The following VPS13A variants were observed in gnomAD, a reference collection of about 807,000 sequenced individuals.
VPS13A encodes vacuolar protein sorting 13 homolog A.
VPS13A carries 264 observed loss-of-function variants against 390.9 expected under a neutral mutation model. The ratio of observed to expected loss-of-function variants is 0.68; its 90% CI spans 0.61 to 0.75. The LOEUF is 0.75. Ranked by LOEUF, VPS13A falls within the 30% of genes least tolerant of loss-of-function variation. VPS13A has a pLI of 0.00. For missense variants in VPS13A, 3,409 were observed against 3,733.9 expected, an observed-to-expected ratio of 0.91 and a Z score of 2.27; for synonymous variants, 1,231 against 1,227.1, an observed-to-expected ratio of 1.00 and a Z score of -0.07.
At chr9:77,386,068 A>C (rs1296805778) in intron 68 of VPS13A, among the ~76,000 whole-genome samples, 2 of 152,220 alleles carry the variant, frequency 1.3e-5, no homozygotes, top group Admixed American at 6.5e-5. Flanking sequence ...ACTGTTATGT[A>C]AACATCAAAA....
chr9:77,258,208 A>G (rs2131288291), intron 22 of VPS13A, among the ~76,000 whole-genome samples: 1 of 152,232 alleles, frequency 6.6e-6, no homozygotes, highest in East Asian at 1.9e-4. Context: ...GCACAGATCT[A>G]TTTTAAAATT....
At chr9:77,315,854 C>T (rs1829351020) in intron 38 of VPS13A, among the ~76,000 whole-genome samples, 1 of 151,936 alleles carries the variant, frequency 6.6e-6, no homozygotes, top group Admixed American at 6.6e-5. Flanking sequence ...TTATTCCTAG[C>T]TTTTAACGTA....
chr9:77,290,408 C>A (rs1216957912), intron 31 of VPS13A, among the ~76,000 whole-genome samples: 2 of 152,082 alleles, frequency 1.3e-5, no homozygotes, highest in Non-Finnish European at 2.9e-5. Flanking sequence ...CCTGTTTGGG[C>A]TTTTCTGAGC....
intron 35 of VPS13A, among the ~76,000 whole-genome samples, chr9:77,312,012 G>A (rs1829102110): frequency 6.6e-6 from 1 of 151,998 alleles, no homozygotes; most frequent in Admixed American, 6.6e-5. Flanking sequence ...CTAAAACAGT[G>A]GTGAAAGAAA....
chr9:77,362,139 A>G (rs1379096878), intron 59 of VPS13A, among the ~76,000 whole-genome samples: 2 of 152,034 alleles, frequency 1.3e-5, no homozygotes, highest in Admixed American at 6.5e-5. Flanking sequence ...GATGTTGTCT[A>G]TTGAAAATCA....
At chr9:77,373,647 A>G (rs2055290995) in intron 67 of VPS13A, among the ~76,000 whole-genome samples, 1 of 151,384 alleles carries the variant, frequency 6.6e-6, no homozygotes, top group Non-Finnish European at 1.5e-5. Context: ...GGATCTAATT[A>G]AACTAAAGAG....
At chr9:77,394,531 A>T (rs1165611703) in intron 68 of VPS13A, among the ~76,000 whole-genome samples, 1 of 152,160 alleles carries the variant, frequency 6.6e-6, no homozygotes, top group East Asian at 1.9e-4. Flanking sequence ...CAGCAAGACC[A>T]TGTCTCTAAA....
At chr9:77,250,986 GTGTT>G (rs1223377417) in intron 21 of VPS13A, among the ~76,000 whole-genome samples, 2 of 152,212 alleles carry the variant, frequency 1.3e-5, no homozygotes, top group Non-Finnish European at 2.9e-5. Flanking sequence ...AGAGATCTAA[GTGTT>G]TGTATGCAGT....
chr9:77,410,398 A>C (rs1322763556), intron 71 of VPS13A, among the ~76,000 whole-genome samples: 2 of 152,202 alleles, frequency 1.3e-5, no homozygotes, highest in Non-Finnish European at 2.9e-5. Context: ...TAACGAGCAA[A>C]ATAACCAGCT....
intron 67 of VPS13A, among the ~76,000 whole-genome samples, chr9:77,374,048 C>A (rs1424192139): frequency 1.3e-5 from 2 of 152,098 alleles, no homozygotes; most frequent in Non-Finnish European, 2.9e-5. Context: ...ATAAAATTAG[C>A]AAATATAATC....
intron 1 of VPS13A, among the ~76,000 whole-genome samples, chr9:77,181,615 G>A (rs1824024619): frequency 6.6e-6 from 1 of 151,624 alleles, no homozygotes; most frequent in Admixed American, 6.6e-5. Context: ...AGTTGTAAAT[G>A]TGTGCTTTTG....
In VPS13A at chr9:77,420,191, G is replaced by T. The variant is rs1835304019; in HGVS notation, c.*4185G>T. 1 of 152,118 alleles carries T rather than the reference G, an allele frequency of 6.6e-6. No homozygotes were observed. The highest frequency in any genetic ancestry group is 2.4e-5 in the African/African-American group (1 of 41,420). 9.4% of individuals were successfully genotyped at this position (152,118 alleles called of 1,614,324 possible). ...TTTGTCGGTTAAAATTTTGATTCTT[G>T]TAATCTGTACTGTCAATTTTTGGCC... On this transcript the variant is annotated 3_prime_UTR_variant, in exon 72 of 72. Transcript: ENST00000360280.
rs754391863 is a variant in VPS13A at position 77,337,290 on chromosome 9, A to G, written c.6131A>G (p.Tyr2044Cys). ...FIFLKPEDEN[Y>C]QMCEGIDFEE... is the part of the protein sequence containing the mutation. ...TTTCTGAAGCCAGAAGATGAGAACTATCAAATGTGTGAAGGAATTGACTTT... is the reference window on the plus strand; with the variant it reads ...TTTCTGAAGCCAGAAGATGAGAACTGTCAAATGTGTGAAGGAATTGACTTT... Residue 2044 changes from tyrosine (Y) to cysteine (C), a missense_variant, in exon 47 of 72, where the codon TAT becomes TGT. Tyr to Cys is a radical substitution (Grantham distance 194, BLOSUM62 -2). Transcript: ENST00000360280. 8 of 1,612,932 alleles carry G rather than the reference A, an allele frequency of 5.0e-6. No individual in the cohort carries two copies. Among genetic ancestry groups the G allele is most frequent in the Non-Finnish European group, 5.9e-6 (7 of 1,179,736 alleles).
chr9:77,372,620 G>C (rs965072981), intron 67 of VPS13A, among the ~76,000 whole-genome samples: 1 of 151,970 alleles, frequency 6.6e-6, no homozygotes, highest in African/African-American at 2.4e-5. Flanking sequence ...ACATAGTGTC[G>C]GAAGTTCTGG....
At chr9:77,223,137 C>A (rs1227026172) in intron 13 of VPS13A, among the ~76,000 whole-genome samples, 1 of 152,150 alleles carries the variant, frequency 6.6e-6, no homozygotes, top group East Asian at 1.9e-4. Flanking sequence ...TTAATTAAAT[C>A]TTTTAAATGT....
Position 77,293,344 on chromosome 9 carries a change from G to A in VPS13A, c.3343G>A (p.Val1115Ile). Residue 1115 changes from valine to isoleucine, a missense_variant, in exon 32 of 72, where the codon GTT becomes ATT. Coordinates refer to ENST00000360280, the MANE Select transcript of VPS13A (RefSeq NM_033305.3). ...AATTAAATTTTCTCTTATTAAGGCT[G>A]TTTATATCACTGGAAAAGAAGTTTT... ...SDITAIYKKA[V>I]YITGKEVFSF... 1.2e-6 allele frequency: 2 copies of A among 1,611,094 alleles called. No individual in the cohort carries two copies. Among genetic ancestry groups the A allele is most frequent in the Non-Finnish European group, 1.7e-6 (2 of 1,178,344 alleles).
At chr9:77,245,281 A>G (rs919763379) in intron 19 of VPS13A, among the ~76,000 whole-genome samples, 3 of 152,218 alleles carry the variant, frequency 2.0e-5, no homozygotes, top group African/African-American at 7.2e-5. Flanking sequence ...ACCAGAACTT[A>G]GATTTGTAGA....
chr9:77,355,931 A>C (rs567044422), intron 54 of VPS13A, among the ~76,000 whole-genome samples: 1 of 152,142 alleles, frequency 6.6e-6, no homozygotes, highest in East Asian at 1.9e-4. Flanking sequence ...TCCTGCTTCT[A>C]ATCTTGACTC....
rs759254818 is a variant in VPS13A, at chr9:77,177,656, G to C, written c.-49G>C. 4 of 1,554,586 alleles carry C rather than the reference G, an allele frequency of 2.6e-6. No homozygotes were observed. In the East Asian group the frequency reaches 9.0e-5, roughly 35 times the overall value. ...AGGGAGGGGCGTGGGGAAGGCGGCG[G>C]GAGGAGGAGCGCACGGGCCGGCTGC... On this transcript the variant is annotated 5_prime_UTR_variant, in exon 1 of 72. Coordinates refer to ENST00000360280, the MANE Select transcript of VPS13A (RefSeq NM_033305.3).
Sources: gnomAD v4.1 joint callset for allele counts (sites outside exome capture counted in the v4.1 genomes callset) on GRCh38, gnomAD v4.1.1 for gene constraint, MANE v1.5 for transcripts, NCBI Gene and HGNC (gene_info 2026-07-23, HGNC 2026-07-21) for gene names.